Variants in CACNA1E observed in about 807,000 individuals in gnomAD.
CACNA1E encodes voltage-dependent R-type calcium channel subunit alpha-1E.
A neutral mutation model predicts 259.2 loss-of-function variants in CACNA1E; 40 were observed. The ratio of observed to expected loss-of-function variants is 0.15; its 90% CI spans 0.12 to 0.20. The LOEUF (loss-of-function observed/expected upper bound fraction) is 0.20, where lower values mean the gene tolerates loss of function less well. Ranked by LOEUF, CACNA1E falls within the 10% of genes least tolerant of loss-of-function variation. The pLI, the probability that CACNA1E is intolerant of heterozygous loss-of-function variation, is 1.00. For missense variants in CACNA1E, 1,874 were observed against 3,040.1 expected, an observed-to-expected ratio of 0.62 and a Z score of 9.02; for synonymous variants, 1,104 against 1,138.5, an observed-to-expected ratio of 0.97 and a Z score of 0.61.
intron 41 of CACNA1E, among the ~76,000 whole-genome samples, chr1:181,785,081 C>T (rs532860341): frequency 6.6e-6 from 1 of 152,226 alleles, no homozygotes; most frequent in South Asian, 2.1e-4. Flanking sequence ...TACTGCTTAT[C>T]CTCAGTATCG....
At chr1:181,629,109 G>A (rs1294820393) in intron 6 of CACNA1E, among the ~76,000 whole-genome samples, 1 of 152,128 alleles carries the variant, frequency 6.6e-6, no homozygotes, top group East Asian at 1.9e-4. Context: ...CCAGGGCAGG[G>A]GTTACTGAAG....
At chr1:181,737,389 A>T in intron 22 of CACNA1E, 136 bp from the exon 23 acceptor site, 2 of 956,000 alleles carry the variant, frequency 2.1e-6, no homozygotes, top group Non-Finnish European at 3.0e-6. Context: ...TGAGAAATTA[A>T]ATTGCTCTCC....
intron 3 of CACNA1E, among the ~76,000 whole-genome samples, chr1:181,516,231 C>T (rs986235618): frequency 1.3e-5 from 2 of 151,346 alleles, no homozygotes; most frequent in Non-Finnish European, 2.9e-5. Flanking sequence ...ATTGAAGTGG[C>T]TGTGGATGGG....
chr1:181,341,899 G>A (rs1202424714), intron 1 of CACNA1E, among the ~76,000 whole-genome samples: 2 of 152,158 alleles, frequency 1.3e-5, no homozygotes, highest in South Asian at 2.1e-4. Flanking sequence ...TGAGAATGCA[G>A]CAGTGAACAA....
chr1:181,556,339 AG>A (rs1648720955), intron 3 of CACNA1E, among the ~76,000 whole-genome samples: 1 of 152,210 alleles, frequency 6.6e-6, no homozygotes, highest in South Asian at 2.1e-4. Context: ...TTTATTCCAA[AG>A]TATTCCTGAA....
At chr1:181,707,523 G>T in intron 7 of CACNA1E, among the ~76,000 whole-genome samples, 1 of 152,178 alleles carries the variant, frequency 6.6e-6, no homozygotes, top group Admixed American at 6.5e-5. Context: ...TTAGACGGGG[G>T]TTTGTTGGCC....
chr1:181,610,927 A>G (rs914963997), intron 6 of CACNA1E, among the ~76,000 whole-genome samples: 2 of 152,164 alleles, frequency 1.3e-5, no homozygotes, highest in Admixed American at 6.5e-5. Flanking sequence ...CAACTTTGCA[A>G]TCTAACATTA....
At chr1:181,694,974 T>C (rs1383910675) in intron 7 of CACNA1E, among the ~76,000 whole-genome samples, 3 of 152,112 alleles carry the variant, frequency 2.0e-5, no homozygotes, top group African/African-American at 7.2e-5. Context: ...ATTTTGAAAA[T>C]CTAACAGTAG....
At chr1:181,407,370 C>A (rs1253617596) in intron 1 of CACNA1E, among the ~76,000 whole-genome samples, 1 of 152,150 alleles carries the variant, frequency 6.6e-6, no homozygotes, top group Non-Finnish European at 1.5e-5. Context: ...CTTTTAGCAA[C>A]CTGACTCATC....
chr1:181,613,103 G>T (rs1654895350), intron 6 of CACNA1E, among the ~76,000 whole-genome samples: 1 of 152,094 alleles, frequency 6.6e-6, no homozygotes, highest in African/African-American at 2.4e-5. Flanking sequence ...GTATCTCTTT[G>T]TATCAAATAC....
chr1:181,663,772 T>G (rs1647925463), intron 7 of CACNA1E, among the ~76,000 whole-genome samples: 2 of 152,360 alleles, frequency 1.3e-5, no homozygotes, highest in African/African-American at 4.8e-5. Flanking sequence ...GTTGGACATT[T>G]TTACACTTGG....
intron 8 of CACNA1E, among the ~76,000 whole-genome samples, chr1:181,714,194 G>A (rs1423243853): frequency 6.6e-6 from 1 of 152,060 alleles, no homozygotes; most frequent in African/African-American, 2.4e-5. Context: ...ACAAATCTGG[G>A]GTTCCCACAA....
chr1:181,746,231 T>A (rs977813131), intron 25 of CACNA1E, among the ~76,000 whole-genome samples: 5 of 152,238 alleles, frequency 3.3e-5, no homozygotes, highest in Admixed American at 3.3e-4. Context: ...CATATCCTTA[T>A]CTGCAGATCC....
chr1:181,329,803 T>C (rs1413880407), intron 1 of CACNA1E, among the ~76,000 whole-genome samples: 2 of 152,218 alleles, frequency 1.3e-5, no homozygotes, highest in Non-Finnish European at 2.9e-5. Context: ...TACTTGTTAG[T>C]TTAGCATCTG....
At chr1:181,455,236 C>A (rs752937218) in intron 2 of CACNA1E, among the ~76,000 whole-genome samples, 1 of 152,146 alleles carries the variant, frequency 6.6e-6, no homozygotes, top group Non-Finnish European at 1.5e-5. Flanking sequence ...TCCTTGAAAT[C>A]TAAAGCTAAG....
rs1018942943 is a variant in CACNA1E, at chr1:181,801,371, A to G, written c.*2537A>G. ...CCAGGAAATCTTCCTGAACTCCTTG[A>G]ACTCATACACACAGGTATTTGAGTC... On this transcript the variant is annotated 3_prime_UTR_variant, in exon 48 of 48. Transcript: ENST00000367573. 1 of 152,426 alleles carries G rather than the reference A, an allele frequency of 6.6e-6. No individual in the cohort carries two copies. Among genetic ancestry groups the G allele is most frequent in the African/African-American group, 2.4e-5 (1 of 41,454 alleles). The allele number at this position is 152,426 out of a possible 1,614,324, so 9.4% of individuals were successfully genotyped here. A position where few individuals can be genotyped will look rare whatever the true frequency, so the allele number is the denominator to read the frequency against.
intron 10 of CACNA1E, among the ~76,000 whole-genome samples, chr1:181,716,666 G>A (rs1048882468): frequency 6.6e-6 from 1 of 152,188 alleles, no homozygotes; most frequent in Non-Finnish European, 1.5e-5. Flanking sequence ...CCAGAAAAAG[G>A]GAAAGGTCTT....
At position 181,603,477 on chromosome 1, in the gene CACNA1E, G is replaced by T. The variant is rs549566733; in HGVS notation, c.951+22701G>T. On this transcript the variant is annotated intron_variant, in intron 6 of 47. Transcript: ENST00000367573. ...ATTGTTGTGGGGAGTAGCTAGCTGT[G>T]TGTGGAAACGGACTTTTCATGAGGC... 1.3e-4 allele frequency among the ~76,000 whole-genome samples: 20 copies of T among 152,232 alleles called. No individual in the cohort carries two copies. In the East Asian group the frequency reaches 3.5e-3, roughly 26 times the overall value.
rs546193132 is a variant in CACNA1E, at chr1:181,398,697, C to A, written c.-14-14436C>A. Among the ~76,000 whole-genome samples, 5 of 152,308 alleles carry A rather than the reference C, an allele frequency of 3.3e-5. No individual in the cohort carries two copies. The East Asian group carries it at 9.6e-4, about 29-fold the overall frequency. On this transcript the variant is annotated intron_variant, in intron 1 of 11. Transcript: ENST00000524607. ...ATGAAGCACCAGCATTGCTCTGTCA[C>A]CCCCACCCAACCTGGTCACCTTTCA...
Sources: gnomAD v4.1 joint callset for allele counts (sites outside exome capture counted in the v4.1 genomes callset) on GRCh38, gnomAD v4.1.1 for gene constraint, MANE v1.5 for transcripts, NCBI Gene and HGNC (gene_info 2026-07-23, HGNC 2026-07-21) for gene names.